DNM3: variants seen among roughly 807,000 people sequenced by gnomAD.
The protein encoded by DNM3 is dynamin 3, also known as dynamin-3.
In DNM3, 47 loss-of-function variants were observed where a neutral mutation model predicts 101.6. That is an observed-to-expected ratio of 0.46 (90% CI 0.37 to 0.59). The LOEUF is 0.59. Among genes scored for constraint, DNM3 ranks in the 20% least tolerant of loss-of-function variants. The pLI is 0.00. For missense variants in DNM3, 849 were observed against 1,085.7 expected (o/e 0.78, Z 3.06); for synonymous variants, 385 against 387.9 (o/e 0.99, Z 0.09).
intron 13 of DNM3, among the ~76,000 whole-genome samples, chr1:172,102,238 A>G (rs1039055865): frequency 6.6e-6 from 1 of 152,214 alleles, no homozygotes; most frequent in Non-Finnish European, 1.5e-5. Flanking sequence ...TGATGAACCA[A>G]AAAACTACAA....
chr1:171,983,968 C>T (rs2045037473), intron 2 of DNM3, among the ~76,000 whole-genome samples: 2 of 152,180 alleles, frequency 1.3e-5, no homozygotes, highest in Non-Finnish European at 1.5e-5. Flanking sequence ...TCATCCTCTT[C>T]CCTTCAGTCT....
intron 14 of DNM3, among the ~76,000 whole-genome samples, chr1:172,214,490 C>T (rs2060623950): frequency 6.9e-6 from 1 of 145,418 alleles, no homozygotes; most frequent in Non-Finnish European, 1.5e-5. Flanking sequence ...TACATATGTA[C>T]ATATATACAC....
chr1:172,216,217 C>A (rs1211692863), intron 14 of DNM3, among the ~76,000 whole-genome samples: 1 of 152,012 alleles, frequency 6.6e-6, no homozygotes, highest in Non-Finnish European at 1.5e-5. Context: ...GGAGTGGCTT[C>A]TCCATCGAAG....
At chr1:171,887,697 A>C (rs1467693163) in intron 1 of DNM3, among the ~76,000 whole-genome samples, 1 of 152,190 alleles carries the variant, frequency 6.6e-6, no homozygotes, top group Non-Finnish European at 1.5e-5. Context: ...CTGTATTTTA[A>C]CATTTCTTTG....
intron 4 of DNM3, 138 bp from the exon 5 acceptor site, chr1:172,032,264 C>T: frequency 1.5e-6 from 1 of 668,772 alleles, no homozygotes; most frequent in Non-Finnish European, 2.6e-6. Flanking sequence ...TCAAGTAGCA[C>T]TTAGAAAACA....
At chr1:172,014,220 T>C (rs1415496984) in intron 4 of DNM3, among the ~76,000 whole-genome samples, 1 of 152,138 alleles carries the variant, frequency 6.6e-6, no homozygotes, top group Admixed American at 6.6e-5. Flanking sequence ...TTAATGTCAT[T>C]TGCAGCAACC....
intron 14 of DNM3, among the ~76,000 whole-genome samples, chr1:172,250,876 C>A (rs2062141394): frequency 6.6e-6 from 1 of 152,016 alleles, no homozygotes; most frequent in Non-Finnish European, 1.5e-5. Context: ...AATGGAACTA[C>A]ATATGTCATT....
chr1:172,065,134 T>A (rs556389924), intron 10 of DNM3, among the ~76,000 whole-genome samples: 11 of 152,352 alleles, frequency 7.2e-5, no homozygotes, highest in Non-Finnish European at 1.3e-4. Context: ...TTCCCTGACT[T>A]AATGATGGCC....
intron 10 of DNM3, among the ~76,000 whole-genome samples, chr1:172,063,052 C>G (rs540844988): frequency 1.3e-5 from 2 of 152,286 alleles, no homozygotes; most frequent in African/African-American, 4.8e-5. Flanking sequence ...TGGTTTGTAG[C>G]AAGCAGCCAG....
chr1:171,860,207 G>A (rs769087341), intron 1 of DNM3, among the ~76,000 whole-genome samples: 2 of 152,098 alleles, frequency 1.3e-5, no homozygotes, highest in Non-Finnish European at 2.9e-5. Context: ...TGAATTTCCA[G>A]TTTAATTTTA....
At chr1:172,050,369 CCCACCAATTAT>C (rs1345405288) in intron 10 of DNM3, among the ~76,000 whole-genome samples, 2 of 152,166 alleles carry the variant, frequency 1.3e-5, no homozygotes, top group Non-Finnish European at 2.9e-5. Flanking sequence ...GTCTCTTACT[CCCACCAATTAT>C]CCTGTCTTCT....
chr1:172,407,341 G>T (rs2070968484), intron 20 of DNM3, among the ~76,000 whole-genome samples: 1 of 151,942 alleles, frequency 6.6e-6, no homozygotes, highest in Non-Finnish European at 1.5e-5. Flanking sequence ...AAGGCAATGA[G>T]AAGTGATAAT....
chr1:172,183,845 T>C (rs1026320550), intron 14 of DNM3, among the ~76,000 whole-genome samples: 2 of 140,724 alleles, frequency 1.4e-5, no homozygotes, highest in Non-Finnish European at 3.0e-5. Context: ...TGGGCTCAAG[T>C]GTTCCTTCTG....
rs144361386 is a variant in DNM3 at position 172,168,469 on chromosome 1, G to T, written c.1659+37181G>T. On this transcript the variant is annotated intron_variant, in intron 14 of 20. Coordinates refer to ENST00000627582, the MANE Select transcript of DNM3 (RefSeq NM_015569.5). ...TGTTCTATTATCGAGACAATTGCCT[G>T]ATTGAGAACAGCTCTCTGGAAAAGC... Among the ~76,000 whole-genome samples the T allele has an allele frequency of 1.4e-3, 206 of 152,078 alleles. 1 individual carries two copies. Among genetic ancestry groups the T allele is most frequent in the African/African-American group, 4.6e-3 (190 of 41,538 alleles).
chr1:172,164,700 G>A (rs2058685630), intron 14 of DNM3, among the ~76,000 whole-genome samples: 1 of 152,052 alleles, frequency 6.6e-6, no homozygotes, highest in Non-Finnish European at 1.5e-5. Flanking sequence ...CAGAGGGACA[G>A]CTATGCCTGT....
intron 14 of DNM3, among the ~76,000 whole-genome samples, chr1:172,251,049 G>A (rs999848700): frequency 2.0e-5 from 3 of 152,068 alleles, no homozygotes; most frequent in Non-Finnish European, 4.4e-5. Context: ...AAGTTTTTGA[G>A]ATCTGGGGTC....
chr1:172,231,236 AC>A (rs2061325539), intron 14 of DNM3, among the ~76,000 whole-genome samples: 1 of 150,228 alleles, frequency 6.7e-6, no homozygotes, highest in South Asian at 2.2e-4. Flanking sequence ...GACACCTCAC[AC>A]GGCCTGGTAC....
intron 2 of DNM3, among the ~76,000 whole-genome samples, chr1:171,934,859 G>T (rs1321544679): frequency 1.3e-5 from 2 of 152,098 alleles, no homozygotes; most frequent in African/African-American, 4.8e-5. Flanking sequence ...ACCATTTTTT[G>T]AGCATAATCA....
intron 1 of DNM3, among the ~76,000 whole-genome samples, chr1:171,867,051 G>A (rs76419743): frequency 0.014 from 2,193 of 152,300 alleles, 61 homozygotes; most frequent in African/African-American, 0.048. Context: ...TTTAAGTGAC[G>A]TGTGTAACCA....
Sources: allele counts gnomAD v4.1 joint callset (sites outside exome capture counted in the v4.1 genomes callset), GRCh38; gene constraint gnomAD v4.1.1; transcripts MANE v1.5; gene names NCBI Gene and HGNC (gene_info 2026-07-23, HGNC 2026-07-21).